Variants in TENM4 observed in about 807,000 individuals in gnomAD.
TENM4 encodes the protein teneurin-4.
TENM4 carries 82 observed loss-of-function variants against 243.3 expected under a neutral mutation model. The ratio of observed to expected loss-of-function variants is 0.34; its 90% CI spans 0.28 to 0.40. TENM4 has a LOEUF of 0.40. Ranked by LOEUF, TENM4 falls within the 10% of genes least tolerant of loss-of-function variation. The pLI, the probability that TENM4 is intolerant of heterozygous loss-of-function variation, is 1.00. For synonymous variants in TENM4, 1,412 were observed against 1,456.3 expected, an observed-to-expected ratio of 0.97 and a Z score of 0.69; for missense variants, 3,138 against 3,673.3, an observed-to-expected ratio of 0.85 and a Z score of 3.77.
chr11:78,686,011 C>T (rs1261654048), intron 29 of TENM4, among the ~76,000 whole-genome samples: 2 of 152,236 alleles, frequency 1.3e-5, no homozygotes, highest in Non-Finnish European at 2.9e-5. Flanking sequence ...CTCTCTGCCT[C>T]TCTCTCTGAC....
intron 3 of TENM4, among the ~76,000 whole-genome samples, chr11:79,210,558 C>A (rs547919961): frequency 3.3e-5 from 5 of 152,292 alleles, no homozygotes; most frequent in East Asian, 1.9e-4. Context: ...GTGGGAAAAG[C>A]GGTCATGGGC....
intron 2 of TENM4, among the ~76,000 whole-genome samples, chr11:79,229,231 C>A (rs1864331216): frequency 6.6e-6 from 1 of 152,236 alleles, no homozygotes; most frequent in Non-Finnish European, 1.5e-5. Context: ...GCTCAGGGAG[C>A]AGCCTTGGTA....
intron 7 of TENM4, among the ~76,000 whole-genome samples, chr11:78,900,921 T>G (rs1360147925): frequency 6.6e-6 from 1 of 152,230 alleles, no homozygotes; most frequent in Non-Finnish European, 1.5e-5. Context: ...GTGTATTCAC[T>G]GAATTAAGCA....
intron 15 of TENM4, among the ~76,000 whole-genome samples, chr11:78,788,651 G>C (rs1029751561): frequency 1.4e-4 from 22 of 152,246 alleles, no homozygotes; most frequent in African/African-American, 4.6e-4. Context: ...TGACAAAAAG[G>C]CATGACAAAG....
At chr11:78,772,740 C>T (rs1042309007) in intron 17 of TENM4, among the ~76,000 whole-genome samples, 4 of 152,036 alleles carry the variant, frequency 2.6e-5, no homozygotes, top group Non-Finnish European at 5.9e-5. Flanking sequence ...TTTATTTCCA[C>T]TTGAGATGTT....
intron 1 of TENM4, among the ~76,000 whole-genome samples, chr11:79,347,665 T>G (rs1005372703): frequency 6.6e-6 from 1 of 152,204 alleles, no homozygotes; most frequent in African/African-American, 2.4e-5. Context: ...TAGGGACCTA[T>G]GCTTCCTTCA....
intron 17 of TENM4, among the ~76,000 whole-genome samples, chr11:78,775,722 C>T (rs1215211327): frequency 6.6e-6 from 1 of 152,174 alleles, no homozygotes; most frequent in Non-Finnish European, 1.5e-5. Context: ...TTCAGACAGC[C>T]CACGTGACAT....
At chr11:79,232,262 A>C (rs905746150) in intron 2 of TENM4, among the ~76,000 whole-genome samples, 1 of 152,206 alleles carries the variant, frequency 6.6e-6, no homozygotes, top group Admixed American at 6.5e-5. Flanking sequence ...CCCTGAAGTG[A>C]AGCTGGTGAG....
intron 6 of TENM4, among the ~76,000 whole-genome samples, chr11:78,995,477 C>T (rs1166114018): frequency 6.6e-6 from 1 of 152,102 alleles, no homozygotes; most frequent in African/African-American, 2.4e-5. Flanking sequence ...CAATTACCTT[C>T]TACCAGGAAT....
intron 6 of TENM4, among the ~76,000 whole-genome samples, chr11:79,030,337 G>T (rs985334113): frequency 5.3e-5 from 8 of 152,186 alleles, no homozygotes; most frequent in African/African-American, 4.8e-5. Context: ...GGTAAGGGGA[G>T]CCCAGGTTGG....
intron 1 of TENM4, among the ~76,000 whole-genome samples, chr11:79,409,027 C>T (rs1310251597): frequency 1.3e-5 from 2 of 150,370 alleles, no homozygotes; most frequent in Non-Finnish European, 3.0e-5. Flanking sequence ...CTTCCTTTGC[C>T]TGAATTATAA....
chr11:79,339,830 A>G (rs1857213037), intron 1 of TENM4, among the ~76,000 whole-genome samples: 1 of 152,122 alleles, frequency 6.6e-6, no homozygotes, highest in Non-Finnish European at 1.5e-5. Context: ...GAATGAGAAT[A>G]AATCAGCCCT....
At chr11:78,778,734 C>T (rs1173738374) in intron 16 of TENM4, 106 bp from the exon 17 acceptor site, 58 of 1,049,152 alleles carry the variant, frequency 5.5e-5, no homozygotes, top group South Asian at 4.2e-4. Flanking sequence ...TTGTGCCCCA[C>T]GTTTGGGACA....
At chr11:79,109,593 G>A (rs117261914) in intron 4 of TENM4, among the ~76,000 whole-genome samples, 281 of 152,348 alleles carry the variant, frequency 1.8e-3, no homozygotes, top group Non-Finnish European at 3.0e-3. Context: ...ACGCAAGCGA[G>A]CCAGGCAAGC....
At chr11:78,673,348 A>C (rs1565326598) in intron 30 of TENM4, among the ~76,000 whole-genome samples, 1 of 152,160 alleles carries the variant, frequency 6.6e-6, no homozygotes, top group Non-Finnish European at 1.5e-5. Context: ...GTCTGGCCTT[A>C]TGGGACATTT....
chr11:78,951,053 C>T (rs1857098707), intron 6 of TENM4, among the ~76,000 whole-genome samples: 2 of 152,236 alleles, frequency 1.3e-5, no homozygotes, highest in African/African-American at 4.8e-5. Flanking sequence ...CACATCAAAC[C>T]CCGGGAAAAT....
intron 1 of TENM4, among the ~76,000 whole-genome samples, chr11:79,318,676 A>C (rs1399681368): frequency 6.6e-6 from 1 of 152,212 alleles, no homozygotes; most frequent in Non-Finnish European, 1.5e-5. Context: ...GTAGAGTATA[A>C]TGTAGTAAAA....
chr11:78,821,346 A>G (rs1857727196), intron 12 of TENM4, among the ~76,000 whole-genome samples: 1 of 152,242 alleles, frequency 6.6e-6, no homozygotes, highest in Non-Finnish European at 1.5e-5. Context: ...CAAGAACTCA[A>G]TAATATTTAT....
intron 4 of TENM4, among the ~76,000 whole-genome samples, chr11:79,143,991 A>C (rs1391456413): frequency 6.6e-6 from 1 of 152,080 alleles, no homozygotes; most frequent in Admixed American, 6.6e-5. Context: ...AAAGAAAAAC[A>C]ATATCAACAA....
Sources: allele counts gnomAD v4.1 joint callset (sites outside exome capture counted in the v4.1 genomes callset), GRCh38; gene constraint gnomAD v4.1.1; transcripts MANE v1.5; gene names NCBI Gene and HGNC (gene_info 2026-07-23, HGNC 2026-07-21).